Variants in SHOC1 observed in about 807,000 individuals in gnomAD.
The protein encoded by SHOC1 is shortage in chiasmata 1, also known as protein shortage in chiasmata 1 ortholog.
In SHOC1, 136 loss-of-function variants were observed where a neutral mutation model predicts 179.2. The observed-to-expected ratio is 0.76, with a 90% CI of 0.66 to 0.87. SHOC1 has a LOEUF of 0.87. Among genes scored for constraint, SHOC1 ranks in the 40% least tolerant of loss-of-function variants. The probability of loss-of-function intolerance (pLI) is 0.00; values close to 1 mark genes in which losing one functional copy is unlikely to be tolerated. For missense variants in SHOC1, 1,538 were observed against 1,700.8 expected, an observed-to-expected ratio of 0.90 and a Z score of 1.68; for synonymous variants, 489 against 586.6, an observed-to-expected ratio of 0.83 and a Z score of 2.41.
At chr9:111,787,488 G>C (rs965752805) in intron 2 of SHOC1, among the ~76,000 whole-genome samples, 7 of 152,174 alleles carry the variant, frequency 4.6e-5, no homozygotes, top group African/African-American at 1.7e-4. Flanking sequence ...TAACTATAGA[G>C]GTGATAGAAA....
rs1036683600 is a variant in SHOC1 at position 111,714,440 on chromosome 9, T to C, written c.2415+5A>G. 1 of 1,613,110 alleles carries C rather than the reference T, an allele frequency of 6.2e-7. No homozygotes were observed. Among genetic ancestry groups the C allele is most frequent in the Non-Finnish European group, 8.5e-7 (1 of 1,179,576 alleles). Reference sequence around the variant, plus strand: ...TATTTTACCGGCTTTATTCCAATACTTAACCTTAATTTGCTGTTGACTTTG... The same window carrying C: ...TATTTTACCGGCTTTATTCCAATACCTAACCTTAATTTGCTGTTGACTTTG... On this transcript the variant is annotated splice_donor_5th_base_variant and intron_variant, in intron 17 of 27. Transcript: ENST00000682961.
chr9:111,691,728 T>A lies in SHOC1; in HGVS notation c.4249A>T (p.Thr1417Ser), dbSNP rs1180572892. ...GLTCESSKDE[T>S]FWRELPSVPS... is the part of the protein sequence containing the mutation. ...ACAGATGGTAATTCTCTCCAGAAAG[T>A]CTCATCTTTTGAACTTTCACATGTG... The change falls in exon 27 of 28, where the codon ACT (threonine) becomes TCT (serine). Residue 1417 changes from threonine to serine, a missense_variant. Thr to Ser is a moderately conservative substitution (Grantham distance 58, BLOSUM62 1). Coordinates refer to ENST00000682961, the MANE Select transcript of SHOC1 (RefSeq NM_001378211.1). 3 of 1,613,916 alleles carry A rather than the reference T, an allele frequency of 1.9e-6. No homozygotes were observed. The highest frequency in any genetic ancestry group is 2.2e-5 in the South Asian group (2 of 91,088).
intron 18 of SHOC1, among the ~76,000 whole-genome samples, chr9:111,708,213 T>A (rs922493492): frequency 6.1e-5 from 9 of 148,368 alleles, no homozygotes; most frequent in Non-Finnish European, 1.3e-4. Flanking sequence ...TTATTTTTTA[T>A]TTTTTTTGAG....
intron 3 of SHOC1, chr9:111,783,588 C>T (rs1260816287): frequency 6.6e-6 from 1 of 152,190 alleles, no homozygotes. Flanking sequence ...TTCCAGGGCT[C>T]TGTCCTAGGT....
At chr9:111,765,141 A>G (rs1214447648) in intron 5 of SHOC1, among the ~76,000 whole-genome samples, 1 of 96,620 alleles carries the variant, frequency 1.0e-5, no homozygotes, top group Non-Finnish European at 2.5e-5. Context: ...ACTCCGTCTC[A>G]AAAAAAAAAA....
Position 111,700,187 on chromosome 9 carries a change from T to G in SHOC1, c.3090-140A>C, listed in dbSNP as rs537644206. 165 of 458,580 alleles carry G rather than the reference T, an allele frequency of 3.6e-4. No homozygotes were observed. In the Middle Eastern group the frequency reaches 4.0e-3, roughly 11 times the overall value. The allele number at this position is 458,580 out of a possible 1,614,324, so 28.4% of individuals were successfully genotyped here. ...ATACTAGTGTGGCAAATTTGTGGGG[T>G]TTTTTTTTCCACTCTGTACTCTTGA... is the stretch of plus-strand genomic sequence containing the variant. On this transcript the variant is annotated intron_variant, in intron 23 of 27. Coordinates refer to ENST00000682961, the MANE Select transcript of SHOC1 (RefSeq NM_001378211.1).
intron 5 of SHOC1, among the ~76,000 whole-genome samples, chr9:111,774,269 T>A (rs186842270): frequency 6.6e-6 from 1 of 152,196 alleles, no homozygotes; most frequent in African/African-American, 2.4e-5. Context: ...AGAACAAAAT[T>A]TAAAAATCTT....
At chr9:111,770,744 T>C (rs1835569557) in intron 5 of SHOC1, among the ~76,000 whole-genome samples, 1 of 152,192 alleles carries the variant, frequency 6.6e-6, no homozygotes, top group South Asian at 2.1e-4. Flanking sequence ...ATAATTGTTA[T>C]ACCCTCTTGC....
chr9:111,765,065 C>T (rs569097567), intron 5 of SHOC1, among the ~76,000 whole-genome samples: 35 of 151,414 alleles, frequency 2.3e-4, no homozygotes, highest in African/African-American at 8.2e-4. Flanking sequence ...CACTTGAACC[C>T]GGGAGGCAGA....
intron 11 of SHOC1, among the ~76,000 whole-genome samples, chr9:111,740,271 T>A (rs1342282514): frequency 2.6e-5 from 4 of 152,214 alleles, no homozygotes; most frequent in Admixed American, 2.6e-4. Flanking sequence ...CTACACTACA[T>A]GTCGACCTCA....
Position 111,776,913 on chromosome 9 carries a change from A to G in SHOC1, c.258-938T>C, listed in dbSNP as rs140263191. Among the ~76,000 whole-genome samples, 290 of 152,370 alleles carry G rather than the reference A, an allele frequency of 1.9e-3. 2 individuals are homozygous for G. The highest frequency in any genetic ancestry group is 0.01 in the Middle Eastern group (3 of 294). On this transcript the variant is annotated intron_variant, in intron 4 of 27. Coordinates refer to ENST00000682961, the MANE Select transcript of SHOC1 (RefSeq NM_001378211.1). The stretch of plus-strand genomic sequence containing the variant: ...CGGGAATTGCAATGGATAGAGACGC[A>G]GAGCCAGCTGTGCGGGACACCGGTC...
At chr9:111,774,090 C>T (rs998963932) in intron 5 of SHOC1, among the ~76,000 whole-genome samples, 18 of 152,260 alleles carry the variant, frequency 1.2e-4, no homozygotes, top group Admixed American at 3.3e-4. Flanking sequence ...ATAGTTGATT[C>T]TAGCCGACAG....
chr9:111,759,010 A>G, intron 5 of SHOC1, 162 bp from the exon 6 acceptor site: 1 of 985,014 alleles, frequency 1.0e-6, no homozygotes, highest in Non-Finnish European at 1.5e-6. Flanking sequence ...AGCATGTAGC[A>G]TAGTTCTGGA....
intron 21 of SHOC1, 123 bp from the exon 22 acceptor site, chr9:111,704,115 A>G: frequency 1.8e-6 from 1 of 546,130 alleles, no homozygotes. Context: ...TTACATGTCA[A>G]TTTGTTCTAC....
At chr9:111,794,292 T>TA (rs1302762599) in intron 1 of SHOC1, among the ~76,000 whole-genome samples, 3 of 81,280 alleles carry the variant, frequency 3.7e-5, no homozygotes, top group Non-Finnish European at 3.1e-5. Context: ...AAAAAAAAAA[T>TA]AATAAGATCC....
Position 111,692,113 on chromosome 9 carries a change from A to G in SHOC1, c.3864T>C (p.Ser1288=). ...RPAYNSFLNH[S]DSESDVFSLG... is the part of the protein sequence containing the mutation. Reference sequence around the variant, plus strand: ...AAGAAAAGACATCTGACTCTGAATCACTGTGGTTTAGAAAGGAGTTATAAG... The same window carrying G: ...AAGAAAAGACATCTGACTCTGAATCGCTGTGGTTTAGAAAGGAGTTATAAG... Residue 1288 remains serine, a synonymous_variant, in exon 27 of 28, where the codon AGT becomes AGC. Coordinates refer to ENST00000682961, the MANE Select transcript of SHOC1 (RefSeq NM_001378211.1). The G allele has an allele frequency of 6.2e-7, 1 of 1,613,816 alleles. No individual in the cohort carries two copies. The highest frequency in any genetic ancestry group is 8.5e-7 in the Non-Finnish European group (1 of 1,179,822).
chr9:111,708,840 C>G (rs952306402), intron 18 of SHOC1, among the ~76,000 whole-genome samples: 1 of 152,118 alleles, frequency 6.6e-6, no homozygotes, highest in Non-Finnish European at 1.5e-5. Context: ...ATAATTGATT[C>G]AAGAATGGCT....
At chr9:111,700,182 TG>T (rs367721153) in intron 23 of SHOC1, 135 bp from the exon 24 acceptor site, 205 of 470,076 alleles carry the variant, frequency 4.4e-4, no homozygotes, top group East Asian at 2.0e-3. Flanking sequence ...GGCAAATTTG[TG>T]GGGTTTTTTT....
At chr9:111,781,750 A>AATAAATTAATTAATTAATTAATT (rs1554724113) in intron 3 of SHOC1, among the ~76,000 whole-genome samples, 2 of 150,892 alleles carry the variant, frequency 1.3e-5, no homozygotes, top group African/African-American at 2.4e-5. Context: ...ATAAATAAAT[A>AATAAATTAATTAATTAATTAATT]AATTTGTATG....
Sources: gnomAD v4.1 joint callset for allele counts (sites outside exome capture counted in the v4.1 genomes callset) on GRCh38, gnomAD v4.1.1 for gene constraint, MANE v1.5 for transcripts, NCBI Gene and HGNC (gene_info 2026-07-23, HGNC 2026-07-21) for gene names.